Variants in PARD3B observed in about 807,000 individuals in gnomAD.
PARD3B encodes partitioning defective 3 homolog B.
In PARD3B, 103 loss-of-function variants were observed where a neutral mutation model predicts 130.2. The ratio of observed to expected loss-of-function variants is 0.79; its 90% CI spans 0.67 to 0.93. The LOEUF is 0.93. PARD3B is among the 40% of genes least tolerant of loss of function. The pLI, the probability that PARD3B is intolerant of heterozygous loss-of-function variation, is 0.00. For missense variants in PARD3B, 1,609 were observed against 1,499.2 expected (o/e 1.07, Z -1.21); for synonymous variants, 583 against 553.2 (o/e 1.05, Z -0.76).
chr2:205,536,115 T>C (rs1243348898), intron 21 of PARD3B, among the ~76,000 whole-genome samples: 1 of 152,132 alleles, frequency 6.6e-6, no homozygotes, highest in Non-Finnish European at 1.5e-5. Context: ...ATCTGAGAAA[T>C]GGCAGGGAGT....
intron 3 of PARD3B, among the ~76,000 whole-genome samples, chr2:204,992,134 G>C (rs1220891667): frequency 2.0e-5 from 3 of 151,162 alleles, no homozygotes; most frequent in African/African-American, 7.3e-5. Context: ...TTGGTGTTTT[G>C]GACATGAAGT....
At chr2:204,702,553 T>C (rs1189359896) in intron 2 of PARD3B, among the ~76,000 whole-genome samples, 1 of 152,066 alleles carries the variant, frequency 6.6e-6, no homozygotes, top group Non-Finnish European at 1.5e-5. Context: ...TGAAAAGTGT[T>C]CGTGTCTTTT....
At chr2:204,577,998 G>T (rs1221239558) in intron 1 of PARD3B, among the ~76,000 whole-genome samples, 1 of 152,228 alleles carries the variant, frequency 6.6e-6, no homozygotes, top group Non-Finnish European at 1.5e-5. Context: ...ATCACAGCAA[G>T]TGAGAAGGTA....
Position 204,907,455 on chromosome 2 carries a change from A to T in PARD3B, c.223-57697A>T, listed in dbSNP as rs925057438. On this transcript the variant is annotated intron_variant, in intron 2 of 22. Coordinates refer to ENST00000406610, the MANE Select transcript of PARD3B (RefSeq NM_001302769.2). This position sits in a 1 kb window ranked among gnomAD's most constrained non-coding sequence, Gnocchi z 5.7. Reference sequence around the variant, plus strand: ...AAATTCCTCTGGAGGAAAATTCCCAATGCAGCTAATTTCTCTGGAGCCCCC... The same window carrying T: ...AAATTCCTCTGGAGGAAAATTCCCATTGCAGCTAATTTCTCTGGAGCCCCC... Among the ~76,000 whole-genome samples the T allele has an allele frequency of 6.6e-6, 1 of 152,176 alleles. No homozygotes were observed. Among genetic ancestry groups the T allele is most frequent in the Non-Finnish European group, 1.5e-5 (1 of 68,036 alleles).
At chr2:205,001,481 T>G (rs1297439548) in intron 3 of PARD3B, among the ~76,000 whole-genome samples, 1 of 152,220 alleles carries the variant, frequency 6.6e-6, no homozygotes, top group African/African-American at 2.4e-5. Flanking sequence ...CATATCCTGA[T>G]GGCTCTCCAG....
intron 2 of PARD3B, among the ~76,000 whole-genome samples, chr2:204,715,402 G>T (rs1014992490): frequency 1.3e-5 from 2 of 151,628 alleles, no homozygotes; most frequent in African/African-American, 4.8e-5. Flanking sequence ...CACCAGACAA[G>T]AATTTGTATT....
intron 1 of PARD3B, among the ~76,000 whole-genome samples, chr2:204,681,606 G>A (rs972534319): frequency 9.2e-5 from 14 of 152,036 alleles, no homozygotes; most frequent in Admixed American, 5.2e-4. Context: ...TTCCTTTCAC[G>A]TGTCAGTGCT....
At chr2:204,844,648 A>G (rs1040655617) in intron 2 of PARD3B, among the ~76,000 whole-genome samples, 2 of 152,150 alleles carry the variant, frequency 1.3e-5, no homozygotes, top group Admixed American at 6.5e-5. Flanking sequence ...AGTGACTTGC[A>G]TGTGAATAGG....
chr2:204,607,550 A>G (rs771326880), intron 1 of PARD3B, among the ~76,000 whole-genome samples: 2 of 152,188 alleles, frequency 1.3e-5, no homozygotes, highest in Non-Finnish European at 2.9e-5. Context: ...AAAGCAGTGC[A>G]CGTGTATCTA....
chr2:204,740,247 C>T (rs2039949121), intron 2 of PARD3B, among the ~76,000 whole-genome samples: 1 of 151,964 alleles, frequency 6.6e-6, no homozygotes, highest in African/African-American at 2.4e-5. Context: ...ATCGCGATCT[C>T]CTGACCTCCA....
intron 16 of PARD3B, among the ~76,000 whole-genome samples, chr2:205,277,512 C>G (rs1258241409): frequency 1.3e-5 from 2 of 152,114 alleles, no homozygotes; most frequent in African/African-American, 2.4e-5. Context: ...CAGATTTTCT[C>G]TCCTAATTTC....
At chr2:204,732,316 A>G (rs970256949) in intron 2 of PARD3B, among the ~76,000 whole-genome samples, 4 of 152,154 alleles carry the variant, frequency 2.6e-5, no homozygotes, top group Non-Finnish European at 5.9e-5. Context: ...AGGGAGTGCT[A>G]GAAAGGCAAG....
intron 19 of PARD3B, among the ~76,000 whole-genome samples, chr2:205,422,659 TA>T (rs1385464766): frequency 6.6e-6 from 1 of 152,216 alleles, no homozygotes; most frequent in Non-Finnish European, 1.5e-5. Context: ...TCCAACATTT[TA>T]TGGATCCATT....
chr2:205,042,327 T>C (rs1216734789), intron 3 of PARD3B, among the ~76,000 whole-genome samples: 1 of 152,194 alleles, frequency 6.6e-6, no homozygotes, highest in African/African-American at 2.4e-5. Flanking sequence ...TATGAGGACG[T>C]GGCTTGACTG....
intron 15 of PARD3B, among the ~76,000 whole-genome samples, chr2:205,213,254 C>G (rs1383254992): frequency 6.6e-6 from 1 of 152,018 alleles, no homozygotes; most frequent in Non-Finnish European, 1.5e-5. Context: ...ATTCCTAAAG[C>G]AGTAACTATT....
intron 15 of PARD3B, among the ~76,000 whole-genome samples, chr2:205,239,050 T>C (rs777195810): frequency 6.6e-6 from 1 of 151,200 alleles, no homozygotes; most frequent in Non-Finnish European, 1.5e-5. Flanking sequence ...TTAGGTTTCA[T>C]GATAAATTTT....
intron 1 of PARD3B, among the ~76,000 whole-genome samples, chr2:204,640,304 TC>T (rs1304527119): frequency 1.3e-5 from 2 of 152,112 alleles, no homozygotes; most frequent in Non-Finnish European, 2.9e-5. Flanking sequence ...ACCACCTATG[TC>T]CAGGAGCAGT....
intron 2 of PARD3B, among the ~76,000 whole-genome samples, chr2:204,872,314 A>G (rs1017345130): frequency 9.2e-5 from 14 of 152,024 alleles, no homozygotes; most frequent in Non-Finnish European, 1.5e-4. Context: ...GTATGCATAT[A>G]ATTATATAAA....
At position 204,667,980 on chromosome 2, in the gene PARD3B, T is replaced by C. The variant is rs370609581; in HGVS notation, c.121-18201T>C. On this transcript the variant is annotated intron_variant, in intron 1 of 22. Coordinates refer to ENST00000406610, the MANE Select transcript of PARD3B (RefSeq NM_001302769.2). ...AGAGTTAAAACATTGGTGATTCTTG[T>C]ATGGACAGAAGAAAGCAGGGGATCA... 2.0e-5 allele frequency among the ~76,000 whole-genome samples: 3 copies of C among 152,194 alleles called. No individual in the cohort carries two copies. In the East Asian group the frequency reaches 5.8e-4, roughly 29 times the overall value.
Sources: gnomAD v4.1 joint callset for allele counts (sites outside exome capture counted in the v4.1 genomes callset) on GRCh38, gnomAD v4.1.1 for gene constraint, Gnocchi (gnomAD v3.1) non-coding constraint, MANE v1.5 for transcripts, NCBI Gene and HGNC (gene_info 2026-07-23, HGNC 2026-07-21) for gene names.